Variants in SH3BP5 observed in about 807,000 individuals in gnomAD.
SH3BP5 encodes SH3 domain-binding protein 5.
In SH3BP5, 22 loss-of-function variants were observed where a neutral mutation model predicts 43.3. That is an observed-to-expected ratio of 0.51 (90% confidence interval 0.36 to 0.73). The LOEUF (loss-of-function observed/expected upper bound fraction) is 0.73. SH3BP5 is among the 30% of genes least tolerant of loss of function. The probability of loss-of-function intolerance (pLI) is 0.00; values close to 1 mark genes in which losing one functional copy is unlikely to be tolerated. For synonymous variants in SH3BP5, 255 were observed against 225.8 expected (o/e 1.13, Z -1.16); for missense variants, 529 against 586.9 (o/e 0.90, Z 1.02).
At chr3:15,280,064 T>C (rs1313660386) in intron 3 of SH3BP5, among the ~76,000 whole-genome samples, 1 of 152,202 alleles carries the variant, frequency 6.6e-6, no homozygotes, top group African/African-American at 2.4e-5. Context: ...CCTCGGCTAG[T>C]TAGCCGACTG....
At chr3:15,331,342 G>C (rs1021261290) in intron 1 of SH3BP5, among the ~76,000 whole-genome samples, 1 of 152,150 alleles carries the variant, frequency 6.6e-6, no homozygotes, top group Non-Finnish European at 1.5e-5. Context: ...ACTGAGTTAA[G>C]TGAGCTTTTA....
At chr3:15,285,200 A>T (rs1412639372) in intron 3 of SH3BP5, among the ~76,000 whole-genome samples, 1 of 152,190 alleles carries the variant, frequency 6.6e-6, no homozygotes, top group Non-Finnish European at 1.5e-5. Flanking sequence ...CTCCCTTATG[A>T]TCAATCGTTA....
Position 15,255,840 on chromosome 3 carries a change from G to T in SH3BP5, c.*246C>A. The stretch of plus-strand genomic sequence containing the variant: ...TATTGCTTCCACAATGCCGTTATAC[G>T]GAATGTTCCACAAAGGCTGTGAACC... On this transcript the variant is annotated 3_prime_UTR_variant, in exon 9 of 9. Transcript: ENST00000383791. 1 of 449,518 alleles carries T rather than the reference G, an allele frequency of 2.2e-6. No homozygotes were observed. The highest frequency in any genetic ancestry group is 3.5e-5 in the South Asian group (1 of 28,670). The allele number at this position is 449,518 out of a possible 1,614,324, so 27.8% of individuals were successfully genotyped here. A position where few individuals can be genotyped will look rare whatever the true frequency, so the allele number is the denominator to read the frequency against.
intron 3 of SH3BP5, among the ~76,000 whole-genome samples, chr3:15,277,032 T>C (rs530098291): frequency 2.0e-5 from 3 of 151,910 alleles, no homozygotes; most frequent in Non-Finnish European, 4.4e-5. Flanking sequence ...CTCACTGCAA[T>C]CTCCACCTCC....
chr3:15,262,218 G>A lies in SH3BP5; in HGVS notation c.567C>T (p.Ala189=), dbSNP rs200348500. Residue 189 remains alanine (A), a synonymous_variant, in exon 5 of 9, where the codon GCC becomes GCT. Coordinates refer to ENST00000383791, the MANE Select transcript of SH3BP5 (RefSeq NM_004844.5). ...CCAGCTGTCGCATGCGGCCCATGGC[G>A]GCATTGTACCTGGCTGCCGTCTCCT... The part of the protein sequence containing the change: ...VHKETAARYN[A]AMGRMRQLEK... The A allele has an allele frequency of 6.2e-5, 100 of 1,614,116 alleles. 1 individual carries two copies. The highest frequency in any genetic ancestry group is 4.9e-4 in the South Asian group (45 of 91,078).
intron 3 of SH3BP5, among the ~76,000 whole-genome samples, chr3:15,303,395 C>G (rs993921034): frequency 6.6e-6 from 1 of 152,226 alleles, no homozygotes; most frequent in African/African-American, 2.4e-5. Flanking sequence ...CTGTTGAGGG[C>G]TCTTTACCTT....
At chr3:15,265,511 G>GTCTC (rs1446877708) in intron 4 of SH3BP5, among the ~76,000 whole-genome samples, 12 of 31,050 alleles carry the variant, frequency 3.9e-4, no homozygotes, top group African/African-American at 2.4e-3. Context: ...GCGAGACTCC[G>GTCTC]TCACACACAC....
chr3:15,336,471 A>G (rs1698702205), upstream of SH3BP5, among the ~76,000 whole-genome samples: 1 of 152,214 alleles, frequency 6.6e-6, no homozygotes, highest in African/African-American at 2.4e-5. Flanking sequence ...CAGAGGAGAC[A>G]AAGGAGATCC....
At chr3:15,258,569 A>G (rs1696310884) in intron 7 of SH3BP5, 10 of 511,734 alleles carry the variant, frequency 2.0e-5, no homozygotes, top group Admixed American at 7.2e-5. Context: ...TGAATGTTCA[A>G]ATGTATACTT....
intron 2 of SH3BP5, among the ~76,000 whole-genome samples, chr3:15,320,005 A>C (rs1698280869): frequency 6.6e-6 from 1 of 152,210 alleles, no homozygotes; most frequent in South Asian, 2.1e-4. Context: ...ACAATGAAGA[A>C]GAAAAACACC....
intron 2 of SH3BP5, among the ~76,000 whole-genome samples, chr3:15,323,902 G>A (rs1299040947): frequency 6.6e-6 from 1 of 152,152 alleles, no homozygotes; most frequent in African/African-American, 2.4e-5. Flanking sequence ...CACTCTACAA[G>A]TTTCAAATGT....
intron 2 of SH3BP5, among the ~76,000 whole-genome samples, chr3:15,328,392 C>A (rs947177078): frequency 6.7e-6 from 1 of 149,506 alleles, no homozygotes; most frequent in Non-Finnish European, 1.5e-5. Context: ...ACATAGTAGG[C>A]GAGCAACTAG....
intron 3 of SH3BP5, among the ~76,000 whole-genome samples, chr3:15,279,563 C>A (rs566718506): frequency 6.6e-6 from 1 of 152,150 alleles, no homozygotes; most frequent in African/African-American, 2.4e-5. Flanking sequence ...CAAAATACAG[C>A]TAGGAGTAAG....
At chr3:15,258,065 AGTT>A (rs1350313018) in intron 7 of SH3BP5, 2 of 152,236 alleles carry the variant, frequency 1.3e-5, no homozygotes, top group East Asian at 3.8e-4. Context: ...CATACATAGT[AGTT>A]GTTCAAATGA....
At chr3:15,316,876 A>G (rs1048549838) in intron 2 of SH3BP5, among the ~76,000 whole-genome samples, 2 of 152,240 alleles carry the variant, frequency 1.3e-5, no homozygotes, top group African/African-American at 2.4e-5. Context: ...CATGCACATA[A>G]GCAAGAACGT....
chr3:15,268,369 G>C (rs1190182410), intron 4 of SH3BP5, among the ~76,000 whole-genome samples: 2 of 152,174 alleles, frequency 1.3e-5, no homozygotes, highest in Non-Finnish European at 2.9e-5. Context: ...CAGTCCCCCA[G>C]ACGGCTTTCT....
At chr3:15,337,613 C>T (rs1407302607) in intron 1 of SH3BP5, among the ~76,000 whole-genome samples, 2 of 152,038 alleles carry the variant, frequency 1.3e-5, no homozygotes, top group Admixed American at 6.6e-5. Context: ...GACAGGCCCT[C>T]ATGAAACCTG....
intron 2 of SH3BP5, among the ~76,000 whole-genome samples, chr3:15,312,080 A>G (rs1698073914): frequency 6.6e-6 from 1 of 152,162 alleles, no homozygotes; most frequent in African/African-American, 2.4e-5. Context: ...AACCTTTTCA[A>G]GGAGTCTGCA....
intron 2 of SH3BP5, 27 bp from the exon 3 acceptor site, chr3:15,304,258 A>G: frequency 6.2e-7 from 1 of 1,614,140 alleles, no homozygotes; most frequent in Non-Finnish European, 8.5e-7. Context: ...CCGAGGAAAC[A>G]CAGTTGAGGC....
Sources: allele counts gnomAD v4.1 joint callset (sites outside exome capture counted in the v4.1 genomes callset), GRCh38; gene constraint gnomAD v4.1.1; transcripts MANE v1.5; gene names NCBI Gene and HGNC (gene_info 2026-07-23, HGNC 2026-07-21).